Variants in IST1 observed in about 807,000 individuals in gnomAD.
The protein encoded by IST1 is IST1 homolog.
A neutral mutation model predicts 37.0 loss-of-function variants in IST1; 23 were observed. That is an observed-to-expected ratio of 0.62 (90% CI 0.45 to 0.88). IST1 has a LOEUF of 0.88. Ranked by LOEUF, IST1 falls within the 40% of genes least tolerant of loss-of-function variation. The probability of loss-of-function intolerance (pLI) is 0.00; values close to 1 mark genes in which losing one functional copy is unlikely to be tolerated. For missense variants in IST1, 488 were observed against 445.4 expected (o/e 1.10, Z -0.86); for synonymous variants, 180 against 161.7 (o/e 1.11, Z -0.86).
chr16:71,929,894 G>T lies in IST1; in HGVS notation c.*2081G>T. ...AGAATATTATGTAGTCTTATAAATT[G>T]GGTTTCCTAGGAAGATAGCTGGCAG... On this transcript the variant is annotated 3_prime_UTR_variant, in exon 10 of 10. Transcript: ENST00000378799. 9.6e-7 allele frequency: 1 copy of T among 1,042,490 alleles called. No homozygotes were observed. Among genetic ancestry groups the T allele is most frequent in the Non-Finnish European group, 1.4e-6 (1 of 738,802 alleles). The allele number at this position is 1,042,490 out of a possible 1,614,324, so 64.6% of individuals were successfully genotyped here.
chr16:71,926,207 G>A (rs1192914594), intron 9 of IST1, among the ~76,000 whole-genome samples: 1 of 151,434 alleles, frequency 6.6e-6, no homozygotes, highest in Admixed American at 6.6e-5. Context: ...TCTTGAACCC[G>A]GGAAGCGGAG....
chr16:71,927,878 A>G lies in IST1; in HGVS notation c.*65A>G. 1 of 1,113,472 alleles carries G rather than the reference A, an allele frequency of 9.0e-7. No individual in the cohort carries two copies. Among genetic ancestry groups the G allele is most frequent in the Non-Finnish European group, 1.4e-6 (1 of 738,332 alleles). The allele number at this position is 1,113,472 out of a possible 1,614,324, so 69.0% of individuals were successfully genotyped here. A position where few individuals can be genotyped will look rare whatever the true frequency, so the allele number is the denominator to read the frequency against. On this transcript the variant is annotated 3_prime_UTR_variant, in exon 10 of 10. Transcript: ENST00000378799. ...GACTGAGCAATTTCTCCTTGTAACAAAGAATCTCCATGAAATTCTGTTTCA... is the reference window on the plus strand; with the variant it reads ...GACTGAGCAATTTCTCCTTGTAACAGAGAATCTCCATGAAATTCTGTTTCA...
chr16:71,916,650 A>G lies in IST1; in HGVS notation c.269+8A>G. On this transcript the variant is annotated splice_region_variant and intron_variant, in intron 3 of 9. Transcript: ENST00000378799. ...CCTTATCCAGTCTATGAAGTAAGATATTTTGATTCAGAGACCTAAATCATT... is the reference window on the plus strand; with the variant it reads ...CCTTATCCAGTCTATGAAGTAAGATGTTTTGATTCAGAGACCTAAATCATT... The G allele has an allele frequency of 6.2e-7, 1 of 1,603,060 alleles. No homozygotes were observed. The highest frequency in any genetic ancestry group is 8.5e-7 in the Non-Finnish European group (1 of 1,174,152).
At chr16:71,905,483 A>T (rs1324556513) in intron 1 of IST1, among the ~76,000 whole-genome samples, 1 of 150,726 alleles carries the variant, frequency 6.6e-6, no homozygotes, top group Non-Finnish European at 1.5e-5. Flanking sequence ...GGTTCAAGTG[A>T]TTCTTTTGCC....
At chr16:71,927,522 C>T (rs1183648769) in intron 9 of IST1, 92 bp from the exon 10 acceptor site, 7 of 848,230 alleles carry the variant, frequency 8.3e-6, no homozygotes, top group South Asian at 3.1e-5. Flanking sequence ...CTAAGGTTTT[C>T]TCCTGTGTTT....
intron 4 of IST1, among the ~76,000 whole-genome samples, chr16:71,919,524 C>G (rs1035308910): frequency 6.6e-6 from 1 of 152,162 alleles, no homozygotes; most frequent in South Asian, 2.1e-4. Flanking sequence ...GTAGCTGAGA[C>G]AAGAGGTGCG....
At chr16:71,918,239 T>G (rs538452814) in intron 4 of IST1, among the ~76,000 whole-genome samples, 34 of 152,300 alleles carry the variant, frequency 2.2e-4, no homozygotes, top group Non-Finnish European at 4.7e-4. Context: ...CATAGAAGAC[T>G]TACACTTAAT....
intron 1 of IST1, among the ~76,000 whole-genome samples, chr16:71,906,092 C>T (rs2037217680): frequency 6.6e-6 from 1 of 151,310 alleles, no homozygotes; most frequent in Non-Finnish European, 1.5e-5. Context: ...CAGCCTCTGC[C>T]TCCCAGGTTC....
intron 6 of IST1, chr16:71,921,895 T>C (rs2037595935): frequency 5.4e-6 from 1 of 186,314 alleles, no homozygotes. Context: ...CCCAGCACTT[T>C]GGGAGGCCGA....
Position 71,928,112 on chromosome 16 carries a change from G to A in IST1, c.*299G>A, listed in dbSNP as rs1453418279. On this transcript the variant is annotated 3_prime_UTR_variant, in exon 10 of 10. Coordinates refer to ENST00000378799, the MANE Select transcript of IST1 (RefSeq NM_001270975.2). Reference sequence around the variant, plus strand: ...CCCGTCCCATGGTCCCTCCACAGGAGTGTGAGAGGATGGGGGAAGCACTGT... The same window carrying A: ...CCCGTCCCATGGTCCCTCCACAGGAATGTGAGAGGATGGGGGAAGCACTGT... 5.3e-6 allele frequency: 2 copies of A among 380,280 alleles called. No homozygotes were observed. Among genetic ancestry groups the A allele is most frequent in the Non-Finnish European group, 9.9e-6 (2 of 201,180 alleles). 23.6% of individuals were successfully genotyped at this position (380,280 alleles called of 1,614,324 possible).
rs373741806 is a variant in IST1 at position 71,922,519 on chromosome 16, T to G, written c.598T>G (p.Phe200Val). The G allele has an allele frequency of 8.7e-6, 14 of 1,614,068 alleles. No homozygotes were observed. In the African/African-American group the frequency reaches 1.9e-4, roughly 22 times the overall value. ...GVETDLIDVGFTDDVKKGGPG... is the reference protein window; with the variant it reads ...GVETDLIDVGVTDDVKKGGPG... ...AGAGACAGATCTTATTGATGTTGGA[T>G]TCACAGATGATGTGAAGAAAGGAGG... The change falls in exon 7 of 10, where the codon TTC (phenylalanine) becomes GTC (valine). Residue 200 changes from phenylalanine (F) to valine (V), a missense_variant. By Grantham distance (50) the Phe-to-Val change is conservative. Transcript: ENST00000378799.
intron 4 of IST1, among the ~76,000 whole-genome samples, chr16:71,919,253 C>T (rs1325575341): frequency 6.6e-6 from 1 of 152,246 alleles, no homozygotes; most frequent in Admixed American, 6.5e-5. Flanking sequence ...CACTCCTTGG[C>T]CTCTGCACTA....
At chr16:71,894,753 C>G (rs372790514), upstream of IST1, 2 of 884,740 alleles carry the variant, frequency 2.3e-6, no homozygotes, top group Non-Finnish European at 3.5e-6. Flanking sequence ...CCAGGCTGGT[C>G]TGCAACTCCC....
chr16:71,921,047 C>G (rs989295693), intron 5 of IST1: 22 of 613,650 alleles, frequency 3.6e-5, no homozygotes, highest in Admixed American at 7.7e-5. Context: ...CTTTGTATGC[C>G]TCGTGTCATT....
chr16:71,902,377 C>A (rs2037127631), intron 1 of IST1, among the ~76,000 whole-genome samples: 1 of 152,018 alleles, frequency 6.6e-6, no homozygotes, highest in Non-Finnish European at 1.5e-5. Flanking sequence ...TCAAGCAATT[C>A]TTCTGCCTCA....
chr16:71,909,479 C>T (rs1289878557), intron 1 of IST1, among the ~76,000 whole-genome samples: 1 of 152,180 alleles, frequency 6.6e-6, no homozygotes, highest in Non-Finnish European at 1.5e-5. Context: ...CATGCGTCTT[C>T]ATGGTGCTGT....
At chr16:71,922,402 C>G (rs1015118133) in intron 6 of IST1, 72 bp from the exon 7 acceptor site, 1 of 1,304,406 alleles carries the variant, frequency 7.7e-7, no homozygotes, top group South Asian at 1.2e-5. Context: ...TAATCTCCAT[C>G]TCAGACTCCG....
chr16:71,919,157 C>T (rs1410320196), intron 4 of IST1, among the ~76,000 whole-genome samples: 1 of 152,214 alleles, frequency 6.6e-6, no homozygotes, highest in Non-Finnish European at 1.5e-5. Flanking sequence ...CTTTCTGTTG[C>T]TCTTGTGATA....
chr16:71,910,153 C>G (rs1010756339), intron 1 of IST1, among the ~76,000 whole-genome samples: 1 of 152,262 alleles, frequency 6.6e-6, no homozygotes, highest in South Asian at 2.1e-4. Context: ...ATAAACAGTT[C>G]ATACATTTTA....
Sources: allele counts gnomAD v4.1 joint callset (sites outside exome capture counted in the v4.1 genomes callset), GRCh38; gene constraint gnomAD v4.1.1; transcripts MANE v1.5; gene names NCBI Gene and HGNC (gene_info 2026-07-23, HGNC 2026-07-21).